GREB1: variants seen among roughly 807,000 people sequenced by gnomAD.
GREB1 encodes the protein growth regulating estrogen receptor binding 1.
GREB1 carries 106 observed loss-of-function variants against 200.7 expected under a neutral mutation model. That is an observed-to-expected ratio of 0.53 (90% CI 0.45 to 0.62). The LOEUF (loss-of-function observed/expected upper bound fraction) is 0.62, where lower values mean the gene tolerates loss of function less well. GREB1 is among the 20% of genes least tolerant of loss of function. The probability of loss-of-function intolerance (pLI) is 0.00; values close to 1 mark genes in which losing one functional copy is unlikely to be tolerated. For synonymous variants in GREB1, 1,132 were observed against 1,092.4 expected (o/e 1.04, Z -0.72); for missense variants, 2,243 against 2,556.8 (o/e 0.88, Z 2.65).
chr2:11,588,696 C>G, intron 9 of GREB1, 50 bp from the exon 10 acceptor site: 4 of 1,538,276 alleles, frequency 2.6e-6, no homozygotes, highest in Non-Finnish European at 3.6e-6. Flanking sequence ...TGTATGGGAC[C>G]GTAAGCTGTG....
intron 7 of GREB1, 195 bp downstream of exon 7, chr2:11,581,027 A>T: frequency 1.4e-6 from 1 of 726,278 alleles, no homozygotes; most frequent in Non-Finnish European, 2.5e-6. Flanking sequence ...TCTATGAGTG[A>T]CACTTGGGAG....
rs193094646 is a variant in GREB1, at chr2:11,582,833, A to G, written c.901+2001A>G. ...TTTAAGAAACTGCGTCTAATACCAC[A>G]TGGAGTTTACTGAAGCCTAGAGTCC... On this transcript the variant is annotated intron_variant, in intron 7 of 32. Transcript: ENST00000381486. 3.3e-3 allele frequency among the ~76,000 whole-genome samples: 503 copies of G among 152,308 alleles called. 3 individuals carry two copies. Among genetic ancestry groups the G allele is most frequent in the African/African-American group, 0.01 (434 of 41,578 alleles).
chr2:11,579,870 A>G (rs1037991583), intron 6 of GREB1, among the ~76,000 whole-genome samples: 37 of 152,220 alleles, frequency 2.4e-4, no homozygotes, highest in African/African-American at 8.9e-4. Flanking sequence ...AGGTAGCTGC[A>G]AACCCGACTG....
At chr2:11,519,099 A>G (rs1273107705) in intron 1 of GREB1, among the ~76,000 whole-genome samples, 3 of 139,122 alleles carry the variant, frequency 2.2e-5, no homozygotes, top group Non-Finnish European at 4.7e-5. Context: ...TCCGTCTCAG[A>G]AAAAAAAAAA....
At chr2:11,591,720 T>C (rs2884374) in intron 10 of GREB1, 229,432 of 420,606 alleles carry the variant, frequency 0.55, 65,492 homozygotes, top group African/African-American at 0.85. Context: ...ACGTTCTATA[T>C]GTCAAGATGT....
chr2:11,510,776 G>A (rs1245879811), intron 1 of GREB1, among the ~76,000 whole-genome samples: 5 of 147,690 alleles, frequency 3.4e-5, no homozygotes, highest in South Asian at 2.1e-4. Context: ...TGCAACCTCC[G>A]CCTCCTGGGT....
Position 11,640,394 on chromosome 2 carries a change from C to G in GREB1, c.5790C>G (p.Phe1930Leu), listed in dbSNP as rs774393314. 3.7e-6 allele frequency: 6 copies of G among 1,614,208 alleles called. No homozygotes were observed. The highest frequency in any genetic ancestry group is 5.1e-6 in the Non-Finnish European group (6 of 1,180,030). The change falls in exon 33 of 33, where the codon TTC becomes TTG. Residue 1930 changes from phenylalanine (F) to leucine (L), a missense_variant. By Grantham distance (22) the Phe-to-Leu change is conservative. Transcript: ENST00000381486. This position sits in a 1 kb window ranked among gnomAD's most constrained non-coding sequence, Gnocchi z 4.6. ...DEWQFRLRDE[F>L]QTANAREDRP... ...GGCAGTTCCGGCTGCGCGATGAGTTCCAGACCGCCAATGCCAGGGAAGACC... is the reference window on the plus strand; with the variant it reads ...GGCAGTTCCGGCTGCGCGATGAGTTGCAGACCGCCAATGCCAGGGAAGACC...
intron 11 of GREB1, among the ~76,000 whole-genome samples, chr2:11,594,366 T>TA (rs1681017707): frequency 6.6e-6 from 1 of 151,590 alleles, no homozygotes. Context: ...TTTTTTCTTT[T>TA]TTTTTTGAGA....
chr2:11,588,749 A>T lies in GREB1; in HGVS notation c.1163A>T (p.His388Leu), dbSNP rs1203942436. The T allele has an allele frequency of 6.2e-7, 1 of 1,614,080 alleles. No homozygotes were observed. Among genetic ancestry groups the T allele is most frequent in the Non-Finnish European group, 8.5e-7 (1 of 1,179,938 alleles). ...AGTCGCTGCTGTTCCTCTGCAGGCCATGGGAACTTCCCTTACCTCTGTGGG... is the reference window on the plus strand; with the variant it reads ...AGTCGCTGCTGTTCCTCTGCAGGCCTTGGGAACTTCCCTTACCTCTGTGGG... ...CKAKPVIFKG[H>L]GNFPYLCGNL... Residue 388 changes from histidine (H) to leucine (L), a missense_variant, in exon 10 of 33, where the codon CAT (histidine) becomes CTT (leucine). Transcript: ENST00000381486.
At chr2:11,618,971 A>G (rs1275442858) in intron 22 of GREB1, 52 bp downstream of exon 22, 14 of 1,410,888 alleles carry the variant, frequency 9.9e-6, no homozygotes, top group African/African-American at 1.4e-5. Flanking sequence ...GGGTCCTCAC[A>G]CTCCCATCTG....
intron 3 of GREB1, 148 bp downstream of exon 3, chr2:11,562,730 T>G: frequency 1.1e-6 from 1 of 924,850 alleles, no homozygotes; most frequent in South Asian, 2.0e-5. Flanking sequence ...GCCATGCCCC[T>G]GGGCCCGCAG....
intron 1 of GREB1, among the ~76,000 whole-genome samples, chr2:11,489,323 G>A (rs1672729163): frequency 6.6e-6 from 1 of 152,176 alleles, no homozygotes; most frequent in African/African-American, 2.4e-5. Context: ...GCCGGGCGTG[G>A]TGGCGCGTGC....
At chr2:11,482,998 G>C (rs1342863117) in intron 1 of GREB1, among the ~76,000 whole-genome samples, 2 of 151,410 alleles carry the variant, frequency 1.3e-5, no homozygotes, top group African/African-American at 2.4e-5. Flanking sequence ...AGCGGGCGGA[G>C]CGGGGGCGCG....
chr2:11,552,935 G>A (rs1002757909), intron 1 of GREB1, among the ~76,000 whole-genome samples: 48 of 150,776 alleles, frequency 3.2e-4, no homozygotes, highest in Non-Finnish European at 5.8e-4. Flanking sequence ...GCGTGAACCC[G>A]GGAGGCGGAG....
Position 11,588,813 on chromosome 2 carries a change from GTGCTACCAGAATTCCCA to G in GREB1, c.1228_1244del (p.Cys410ValfsTer189). ...TCGTGGTCAGCCCCCTCTTGTACACGTGCTACCAGAATTCCCAGTCTGTCTCACGGGCATACGAGCAG... is the reference window on the plus strand; with the variant it reads ...TCGTGGTCAGCCCCCTCTTGTACACGGTCTGTCTCACGGGCATACGAGCAG... On this transcript the variant is annotated frameshift_variant, in exon 10 of 33. Coordinates refer to ENST00000381486, the MANE Select transcript of GREB1 (RefSeq NM_014668.4). LOFTEE classifies it high-confidence loss of function. 1 of 1,614,056 alleles carries G rather than the reference GTGCTACCAGAATTCCCA, an allele frequency of 6.2e-7. No homozygotes were observed. The highest frequency in any genetic ancestry group is 8.5e-7 in the Non-Finnish European group (1 of 1,179,934).
intron 6 of GREB1, among the ~76,000 whole-genome samples, chr2:11,578,693 A>AC (rs71393895): frequency 3.3e-5 from 5 of 151,742 alleles, no homozygotes; most frequent in Admixed American, 6.6e-5. Flanking sequence ...CCTCTGCAGC[A>AC]CCCCCCACCC....
intron 3 of GREB1, among the ~76,000 whole-genome samples, chr2:11,564,798 T>A (rs1230698651): frequency 1.3e-5 from 2 of 152,186 alleles, no homozygotes; most frequent in African/African-American, 4.8e-5. Flanking sequence ...TACCCAAGAT[T>A]GGGCAATTTT....
chr2:11,510,876 T>A (rs916520834), intron 1 of GREB1, among the ~76,000 whole-genome samples: 1 of 152,144 alleles, frequency 6.6e-6, no homozygotes, highest in African/African-American at 2.4e-5. Flanking sequence ...TTTCGCCATG[T>A]TGGGCAGGCT....
chr2:11,500,158 A>G (rs1672990644), intron 1 of GREB1, among the ~76,000 whole-genome samples: 1 of 148,372 alleles, frequency 6.7e-6, no homozygotes, highest in Admixed American at 6.7e-5. Context: ...GTTTTTTAAA[A>G]CTTTTATTTA....
Sources: allele counts gnomAD v4.1 joint callset (sites outside exome capture counted in the v4.1 genomes callset), GRCh38; gene constraint gnomAD v4.1.1; non-coding constraint Gnocchi (gnomAD v3.1); transcripts MANE v1.5; gene names NCBI Gene and HGNC (gene_info 2026-07-23, HGNC 2026-07-21).